Variants in NLRP8 observed in about 807,000 individuals in gnomAD.
The protein encoded by NLRP8 is NACHT, LRR and PYD domains-containing protein 8.
In NLRP8, 86 loss-of-function variants were observed where a neutral mutation model predicts 88.7. The ratio of observed to expected loss-of-function variants is 0.97; its 90% CI spans 0.81 to 1.16. The LOEUF is 1.16. Ranked by LOEUF, NLRP8 falls within the 50% of genes most tolerant of loss-of-function variation. The pLI, the probability that NLRP8 is intolerant of heterozygous loss-of-function variation, is 0.00. For missense variants in NLRP8, 1,342 were observed against 1,286.5 expected (o/e 1.04, Z -0.66); for synonymous variants, 504 against 494.6 (o/e 1.02, Z -0.25).
intron 3 of NLRP8, among the ~76,000 whole-genome samples, chr19:55,960,723 T>C (rs1282660381): frequency 6.6e-6 from 1 of 152,152 alleles, no homozygotes; most frequent in African/African-American, 2.4e-5. Flanking sequence ...ATTTAAATTT[T>C]ATGCAAAAAT....
intron 7 of NLRP8, among the ~76,000 whole-genome samples, chr19:55,974,344 T>G (rs1980211936): frequency 6.6e-6 from 1 of 152,134 alleles, no homozygotes; most frequent in Non-Finnish European, 1.5e-5. Flanking sequence ...TTGGTTGTGC[T>G]TATCTGGGAG....
chr19:55,968,451 A>G (rs1429083227), intron 5 of NLRP8, among the ~76,000 whole-genome samples: 1 of 144,980 alleles, frequency 6.9e-6, no homozygotes, highest in Non-Finnish European at 1.5e-5. Flanking sequence ...AAAAATAAAA[A>G]TAAAATAGGC....
chr19:55,980,332 CT>C (rs1466163565), intron 9 of NLRP8, among the ~76,000 whole-genome samples: 1 of 152,156 alleles, frequency 6.6e-6, no homozygotes, highest in Non-Finnish European at 1.5e-5. Flanking sequence ...GTGGTGGGTT[CT>C]GGGTGAAAGA....
chr19:55,952,747 G>A (rs563578707), intron 2 of NLRP8, 135 bp downstream of exon 2: 71 of 664,432 alleles, frequency 1.1e-4, no homozygotes, highest in Non-Finnish European at 1.4e-4. Context: ...CCAACATGGC[G>A]AAACTCTGTC....
At chr19:55,961,985 G>A in intron 3 of NLRP8, 82 bp from the exon 4 acceptor site, 2 of 1,455,536 alleles carry the variant, frequency 1.4e-6, no homozygotes, top group Non-Finnish European at 1.9e-6. Context: ...AACCAGGATA[G>A]GGAACACCAG....
chr19:55,968,166 C>T (rs1182413591), intron 5 of NLRP8, among the ~76,000 whole-genome samples: 3 of 152,154 alleles, frequency 2.0e-5, no homozygotes, highest in Non-Finnish European at 4.4e-5. Flanking sequence ...CGGCTGGACA[C>T]CGTGGCTCAT....
At chr19:55,962,325 T>G in intron 4 of NLRP8, 88 bp downstream of exon 4, 23 of 1,377,854 alleles carry the variant, frequency 1.7e-5, no homozygotes, top group Non-Finnish European at 2.2e-5. Flanking sequence ...CCACTCACAC[T>G]AGACTTCCGG....
intron 4 of NLRP8, among the ~76,000 whole-genome samples, chr19:55,964,010 T>C (rs1222625228): frequency 6.6e-6 from 1 of 152,162 alleles, no homozygotes; most frequent in Non-Finnish European, 1.5e-5. Context: ...TTTACATCAT[T>C]ACTAAGCAGT....
intron 4 of NLRP8, among the ~76,000 whole-genome samples, chr19:55,964,539 C>A (rs1364045574): frequency 6.6e-6 from 1 of 152,030 alleles, no homozygotes; most frequent in South Asian, 2.1e-4. Flanking sequence ...ATTGCCTGAG[C>A]TCAGGAGTTC....
chr19:55,948,254 C>T lies in NLRP8; in HGVS notation c.352C>T (p.Arg118Cys), dbSNP rs148133682. Residue 118 changes from arginine to cysteine, a missense_variant, in exon 1 of 10, where the codon CGC becomes TGC. Transcript: ENST00000291971. ...CTGTGATAAAATGTGTGTTGTAGTC[C>T]GCAGAGAGATAAATGGTGAGTGTTG... The T allele has an allele frequency of 5.8e-5, 93 of 1,612,382 alleles. No homozygotes were observed. Among genetic ancestry groups the T allele is most frequent in the African/African-American group, 3.3e-4 (25 of 74,950 alleles).
intron 1 of NLRP8, among the ~76,000 whole-genome samples, chr19:55,949,448 G>A (rs1297316509): frequency 1.3e-5 from 2 of 152,016 alleles, no homozygotes; most frequent in Non-Finnish European, 2.9e-5. Flanking sequence ...ATGTTGGCCA[G>A]GCTGGTTTCA....
At chr19:55,982,516 G>C (rs1329347890) in intron 9 of NLRP8, among the ~76,000 whole-genome samples, 1 of 152,184 alleles carries the variant, frequency 6.6e-6, no homozygotes, top group African/African-American at 2.4e-5. Context: ...CTGGTGCTCA[G>C]GTATTGTTTT....
Position 55,952,464 on chromosome 19 carries a change from AT to A in NLRP8, c.368-72del. ...TGGCTGCTTCTGTCCTAAAAAGGCC[AT>A]TGGCTCCATGCTGTTTCCCTGCTAC... On this transcript the variant is annotated intron_variant, in intron 1 of 9. Transcript: ENST00000291971. 15 of 1,255,666 alleles carry A rather than the reference AT, an allele frequency of 1.2e-5. No individual in the cohort carries two copies. In the South Asian group the frequency reaches 1.8e-4, roughly 15 times the overall value. 77.8% of individuals were successfully genotyped at this position (1,255,666 alleles called of 1,614,324 possible).
chr19:55,954,472 C>T, intron 2 of NLRP8, 29 bp from the exon 3 acceptor site: 1 of 1,600,652 alleles, frequency 6.2e-7, no homozygotes, highest in African/African-American at 1.3e-5. Context: ...GATGTCATAC[C>T]CTTTATTTCT....
chr19:55,955,731 T>G lies in NLRP8; in HGVS notation c.1673T>G (p.Phe558Cys). 1 of 1,614,112 alleles carries G rather than the reference T, an allele frequency of 6.2e-7. No individual in the cohort carries two copies. The highest frequency in any genetic ancestry group is 8.5e-7 in the Non-Finnish European group (1 of 1,179,952). The change falls in exon 3 of 10, where the codon TTC becomes TGC. Residue 558 changes from phenylalanine to cysteine, a missense_variant. Physicochemically the swap from Phe to Cys is radical, Grantham distance 205. Transcript: ENST00000291971. The stretch of plus-strand genomic sequence containing the variant: ...AGCTATCTCTCTCACATGGGACTTT[T>G]CTTATTCGGTTTTCTGAACGAGGCC...
intron 3 of NLRP8, among the ~76,000 whole-genome samples, chr19:55,957,621 G>T (rs1979412201): frequency 6.8e-6 from 1 of 147,752 alleles, no homozygotes; most frequent in Non-Finnish European, 1.5e-5. Flanking sequence ...AGGAGGCAGA[G>T]GCTGCAGATA....
intron 9 of NLRP8, among the ~76,000 whole-genome samples, chr19:55,987,525 A>G (rs1379934827): frequency 6.6e-6 from 1 of 152,198 alleles, no homozygotes; most frequent in Non-Finnish European, 1.5e-5. Flanking sequence ...ATGCCATACA[A>G]TTCTGACGGT....
Position 55,955,736 on chromosome 19 carries a change from T to C in NLRP8, c.1678T>C (p.Phe560Leu), listed in dbSNP as rs1979323830. 1.9e-6 allele frequency: 3 copies of C among 1,613,992 alleles called. No homozygotes were observed. The highest frequency in any genetic ancestry group is 1.6e-4 in the Middle Eastern group (1 of 6,084). Residue 560 changes from phenylalanine to leucine, a missense_variant, in exon 3 of 10, where the codon TTC becomes CTC. Transcript: ENST00000291971. ...TCTCTCTCACATGGGACTTTTCTTA[T>C]TCGGTTTTCTGAACGAGGCCTGCGC...
intron 3 of NLRP8, among the ~76,000 whole-genome samples, 157 bp downstream of exon 3, chr19:55,956,257 T>G (rs1188347117): frequency 6.6e-6 from 1 of 152,126 alleles, no homozygotes; most frequent in Non-Finnish European, 1.5e-5. Context: ...TTTGTTTTGT[T>G]TTTTGAGACA....
Sources: allele counts gnomAD v4.1 joint callset (sites outside exome capture counted in the v4.1 genomes callset), GRCh38; gene constraint gnomAD v4.1.1; transcripts MANE v1.5; gene names NCBI Gene and HGNC (gene_info 2026-07-23, HGNC 2026-07-21).